SPNS3: variants seen among roughly 807,000 people sequenced by gnomAD.
The protein encoded by SPNS3 is SPNS lysolipid transporter 3, sphingosine-1-phosphate (putative).
Under a neutral mutation model 54.4 loss-of-function variants are expected in SPNS3, and 51 were observed. The ratio of observed to expected loss-of-function variants is 0.94; its 90% CI spans 0.75 to 1.18. The LOEUF (loss-of-function observed/expected upper bound fraction) is 1.18. Ranked by LOEUF, SPNS3 falls within the 50% of genes most tolerant of loss-of-function variation. The probability of loss-of-function intolerance (pLI) is 0.00; values close to 1 mark genes in which losing one functional copy is unlikely to be tolerated. For synonymous variants in SPNS3, 309 were observed against 294.7 expected (o/e 1.05, Z -0.50); for missense variants, 669 against 677.4 (o/e 0.99, Z 0.14).
chr17:4,471,004 A>G (rs537218461), intron 8 of SPNS3, among the ~76,000 whole-genome samples: 1 of 152,256 alleles, frequency 6.6e-6, no homozygotes, highest in Non-Finnish European at 1.5e-5. Flanking sequence ...GGATCACCAC[A>G]ACCTCTGCCT....
intron 4 of SPNS3, 51 bp from the exon 5 acceptor site, chr17:4,446,845 C>T (rs1387075322): frequency 6.4e-7 from 1 of 1,569,358 alleles, no homozygotes; most frequent in East Asian, 2.2e-5. Flanking sequence ...GTGGGGTCTG[C>T]CTTCCGCCTC....
At chr17:4,451,234 C>CTTT (rs1971155398) in intron 7 of SPNS3, among the ~76,000 whole-genome samples, 1 of 141,130 alleles carries the variant, frequency 7.1e-6, no homozygotes, top group Non-Finnish European at 1.5e-5. Flanking sequence ...GAAAGCACTT[C>CTTT]TTCTTCTTCT....
At chr17:4,481,492 G>A (rs333128) in intron 9 of SPNS3, among the ~76,000 whole-genome samples, 88,867 of 151,734 alleles carry the variant, frequency 0.59, 26,489 homozygotes, top group East Asian at 0.87. Flanking sequence ...GGCAGGGCAC[G>A]TTCACGTGAA....
At chr17:4,453,608 A>C in intron 8 of SPNS3, among the ~76,000 whole-genome samples, 1 of 131,574 alleles carries the variant, frequency 7.6e-6, no homozygotes, top group Non-Finnish European at 1.7e-5. Flanking sequence ...ATGGAGCAAG[A>C]CTCCATCTTG....
At chr17:4,472,899 C>T (rs1971897172) in intron 8 of SPNS3, among the ~76,000 whole-genome samples, 1 of 149,664 alleles carries the variant, frequency 6.7e-6, no homozygotes, top group African/African-American at 2.5e-5. Flanking sequence ...AGGGATCCTC[C>T]CCCTTCAGCC....
chr17:4,459,486 C>T (rs1308534783), intron 8 of SPNS3, among the ~76,000 whole-genome samples: 4 of 152,052 alleles, frequency 2.6e-5, no homozygotes, highest in African/African-American at 9.7e-5. Context: ...CCGAGGCAGG[C>T]GGATCACCTG....
At chr17:4,435,455 A>AAT (rs1970690730) in intron 1 of SPNS3, among the ~76,000 whole-genome samples, 2 of 145,992 alleles carry the variant, frequency 1.4e-5, no homozygotes, top group African/African-American at 5.2e-5. Context: ...AAAAAAAAAT[A>AAT]AAAAATAAAA....
intron 4 of SPNS3, 200 bp from the exon 5 acceptor site, chr17:4,446,696 C>T (rs1006015104): frequency 1.1e-5 from 7 of 613,426 alleles, no homozygotes; most frequent in Non-Finnish European, 2.1e-5. Context: ...GGGCCAGGAG[C>T]CAGAGGTCAC....
intron 2 of SPNS3, among the ~76,000 whole-genome samples, chr17:4,443,851 AG>A (rs1970914047): frequency 6.6e-6 from 1 of 152,256 alleles, no homozygotes. Context: ...CTGTAACCCC[AG>A]CACTTTAGGA....
At chr17:4,445,211 C>T (rs751662468) in intron 3 of SPNS3, 43 bp downstream of exon 3, 2 of 1,563,850 alleles carry the variant, frequency 1.3e-6, no homozygotes, top group Non-Finnish European at 1.7e-6. Context: ...GGCCCCTTCC[C>T]CACCTGCTTC....
intron 4 of SPNS3, chr17:4,446,680 G>A (rs553001500): frequency 2.1e-5 from 13 of 605,070 alleles, no homozygotes; most frequent in Non-Finnish European, 3.6e-5. Flanking sequence ...GAGTGGCGCT[G>A]GGGGTGGGCC....
chr17:4,448,298 G>T lies in SPNS3; in HGVS notation c.765G>T (p.Gly255=). The T allele has an allele frequency of 6.4e-7, 1 of 1,560,080 alleles. No individual in the cohort carries two copies. Among genetic ancestry groups the T allele is most frequent in the African/African-American group, 1.4e-5 (1 of 72,476 alleles). Residue 255 remains glycine, a synonymous_variant, in exon 6 of 12, where the codon GGG becomes GGT. Transcript: ENST00000355530. The part of the protein sequence containing the change: ...SSWCEDVRYL[G]KNWSFVWSTL... ...GGTGTGAGGACGTCAGATACCTGGG[G>T]AAAAAGTGAGTATCCCTGCTACCCC...
Position 4,486,469 on chromosome 17 carries a change from C to T in SPNS3, c.1336C>T (p.Leu446=), listed in dbSNP as rs754604322. 6.2e-7 allele frequency: 1 copy of T among 1,613,370 alleles called. No individual in the cohort carries two copies. The highest frequency in any genetic ancestry group is 8.5e-7 in the Non-Finnish European group (1 of 1,179,890). The change falls in exon 11 of 12, where the codon CTG becomes TTG. Residue 446 remains leucine (L), a synonymous_variant. Coordinates refer to ENST00000355530, the MANE Select transcript of SPNS3 (RefSeq NM_182538.5). This position sits in a 1 kb window ranked among gnomAD's most constrained non-coding sequence, Gnocchi z 5.5. ...PDSYLQRFRS[L]QQSFLCCAFV... Reference sequence around the variant, plus strand: ...CTCCTATCTGCAGCGCTTCCGCAGCCTGCAGCAGAGCTTCCTGTGCTGCGC... The same window carrying T: ...CTCCTATCTGCAGCGCTTCCGCAGCTTGCAGCAGAGCTTCCTGTGCTGCGC...
chr17:4,457,740 G>T (rs911513935), intron 8 of SPNS3, among the ~76,000 whole-genome samples: 4 of 147,094 alleles, frequency 2.7e-5, no homozygotes, highest in African/African-American at 1.0e-4. Flanking sequence ...GGACACAGCT[G>T]CCCCCCCCTC....
chr17:4,442,156 G>A (rs184054966), intron 2 of SPNS3, among the ~76,000 whole-genome samples: 102 of 152,168 alleles, frequency 6.7e-4, no homozygotes, highest in African/African-American at 2.3e-3. Context: ...TCCGGTTACC[G>A]TGCTATGGCC....
chr17:4,484,660 G>A (rs1251154848), intron 9 of SPNS3, among the ~76,000 whole-genome samples: 1 of 152,120 alleles, frequency 6.6e-6, no homozygotes, highest in Non-Finnish European at 1.5e-5. Flanking sequence ...TGGACACCTA[G>A]GTCTTGGGGA....
chr17:4,469,834 A>G (rs1291333299), intron 8 of SPNS3, among the ~76,000 whole-genome samples: 3 of 152,060 alleles, frequency 2.0e-5, no homozygotes, highest in African/African-American at 7.2e-5. Context: ...CCAACAATTC[A>G]CTGTATCGTG....
chr17:4,454,829 T>C (rs1237560447), intron 8 of SPNS3, among the ~76,000 whole-genome samples: 1 of 151,752 alleles, frequency 6.6e-6, no homozygotes, highest in Admixed American at 6.6e-5. Flanking sequence ...TTCACTATGT[T>C]GGCCAGGCTG....
chr17:4,434,493 C>G (rs918305141), intron 1 of SPNS3, among the ~76,000 whole-genome samples: 8 of 151,872 alleles, frequency 5.3e-5, no homozygotes, highest in Admixed American at 6.6e-5. Context: ...GACTCTGTCT[C>G]TATTTATTTA....
Sources: allele counts gnomAD v4.1 joint callset (sites outside exome capture counted in the v4.1 genomes callset), GRCh38; gene constraint gnomAD v4.1.1; non-coding constraint Gnocchi (gnomAD v3.1); transcripts MANE v1.5; gene names NCBI Gene and HGNC (gene_info 2026-07-23, HGNC 2026-07-21).